Variants in SRGAP3 observed in about 807,000 individuals in gnomAD.
The protein encoded by SRGAP3 is SLIT-ROBO Rho GTPase activating protein 3, also known as SLIT-ROBO Rho GTPase-activating protein 3.
Under a neutral mutation model 121.1 loss-of-function variants are expected in SRGAP3, and 39 were observed. That is an observed-to-expected ratio of 0.32 (90% confidence interval 0.25 to 0.42). The LOEUF (loss-of-function observed/expected upper bound fraction) is 0.42. SRGAP3 is among the 10% of genes least tolerant of loss of function. The pLI, the probability that SRGAP3 is intolerant of heterozygous loss-of-function variation, is 1.00. For synonymous variants in SRGAP3, 601 were observed against 570.0 expected, an observed-to-expected ratio of 1.05 and a Z score of -0.77; for missense variants, 1,213 against 1,470.6, an observed-to-expected ratio of 0.82 and a Z score of 2.86.
At position 9,319,336 on chromosome 3, in the gene SRGAP3, T is replaced by C. The variant is rs184686971; in HGVS notation, n.442+6674A>G. On this transcript the variant is annotated intron_variant and non_coding_transcript_variant, in intron 3 of 3. Transcript: ENST00000490889. ...GGGAGGCCTGTCAGTGCAGAAGGTA[T>C]GACCCAGAATACTCATCAGGGGATG... Among the ~76,000 whole-genome samples, 312 of 152,010 alleles carry C rather than the reference T, an allele frequency of 2.1e-3. 1 individual carries two copies. Among genetic ancestry groups the C allele is most frequent in the African/African-American group, 7.2e-3 (298 of 41,570 alleles).
chr3:9,201,952 T>C (rs1289766647), intron 1 of SRGAP3, among the ~76,000 whole-genome samples: 1 of 152,154 alleles, frequency 6.6e-6, no homozygotes, highest in Non-Finnish European at 1.5e-5. Context: ...ATTTTACGAA[T>C]GGCAAGGATA....
At chr3:8,993,303 T>C (rs1942184734) in intron 19 of SRGAP3, among the ~76,000 whole-genome samples, 1 of 152,204 alleles carries the variant, frequency 6.6e-6, no homozygotes, top group African/African-American at 2.4e-5. Flanking sequence ...TTTTCTCTTC[T>C]AGCTTGTTCA....
At chr3:9,154,090 C>T (rs1950315234) in intron 1 of SRGAP3, among the ~76,000 whole-genome samples, 1 of 152,106 alleles carries the variant, frequency 6.6e-6, no homozygotes, top group South Asian at 2.1e-4. Context: ...GACCCAAGCT[C>T]TTGAGAAATC....
rs542135736 is a variant in SRGAP3, at chr3:9,281,667, T to TTTTG, written n.442+44339_442+44342dup. On this transcript the variant is annotated intron_variant and non_coding_transcript_variant, in intron 3 of 3. Transcript: ENST00000490889. ...AATACGCGCCCCAATTAGTAGATAC[T>TTTTG]TTTGTTTGTTTGTTTGTTTGTTTGA... Among the ~76,000 whole-genome samples the TTTTG allele has an allele frequency of 1.1e-3, 168 of 152,196 alleles. 1 individual carries two copies. The highest frequency in any genetic ancestry group is 5.0e-3 in the East Asian group (26 of 5,184).
intron 1 of SRGAP3, among the ~76,000 whole-genome samples, chr3:9,208,213 T>C (rs1012897573): frequency 4.1e-4 from 62 of 152,152 alleles, no homozygotes; most frequent in African/African-American, 1.4e-3. Context: ...GTTTTGACCA[T>C]ATCCTTTCTA....
At chr3:9,347,183 T>G (rs1397519926) in intron 1 of SRGAP3, among the ~76,000 whole-genome samples, 1 of 151,982 alleles carries the variant, frequency 6.6e-6, no homozygotes, top group African/African-American at 2.4e-5. Flanking sequence ...TCTTTGTTTT[T>G]GAGACAGGGT....
intron 18 of SRGAP3, among the ~76,000 whole-genome samples, chr3:9,001,017 T>C (rs2124980650): frequency 6.6e-6 from 1 of 152,262 alleles, no homozygotes; most frequent in South Asian, 2.1e-4. Flanking sequence ...TGGTAAACCT[T>C]AGAGAAACTG....
At chr3:9,315,634 T>A (rs771863148) in intron 3 of SRGAP3, among the ~76,000 whole-genome samples, 7 of 152,218 alleles carry the variant, frequency 4.6e-5, no homozygotes, top group Non-Finnish European at 1.0e-4. Flanking sequence ...TAGTCCTTGA[T>A]GGAAGAATGT....
At chr3:9,047,700 C>A (rs1622607) in intron 9 of SRGAP3, among the ~76,000 whole-genome samples, 54,253 of 152,086 alleles carry the variant, frequency 0.36, 9,770 homozygotes, top group Admixed American at 0.43. Flanking sequence ...GGCTCCAGGC[C>A]TTTCAGGTCG....
intron 3 of SRGAP3, among the ~76,000 whole-genome samples, chr3:9,303,507 T>C (rs113839317): frequency 0.078 from 11,938 of 152,180 alleles, 605 homozygotes; most frequent in Middle Eastern, 0.16. Flanking sequence ...GTATTAACTA[T>C]ATACTACACC....
chr3:9,231,219 A>G (rs1953197374), intron 1 of SRGAP3, among the ~76,000 whole-genome samples: 2 of 152,318 alleles, frequency 1.3e-5, no homozygotes, highest in African/African-American at 4.8e-5. Flanking sequence ...CACAGCTCTG[A>G]CAAACAATAG....
At chr3:9,085,026 C>T (rs192650590) in intron 3 of SRGAP3, among the ~76,000 whole-genome samples, 83 of 152,244 alleles carry the variant, frequency 5.5e-4, no homozygotes, top group African/African-American at 1.9e-3. Context: ...AAAATGAGCA[C>T]CTTGTTATGT....
At chr3:9,238,357 G>A (rs1953491396) in intron 1 of SRGAP3, among the ~76,000 whole-genome samples, 1 of 152,140 alleles carries the variant, frequency 6.6e-6, no homozygotes, top group Admixed American at 6.5e-5. Context: ...TTGCCTCAGG[G>A]ATAATGCAGA....
intron 3 of SRGAP3, among the ~76,000 whole-genome samples, chr3:9,324,739 C>T (rs1201869801): frequency 1.3e-5 from 2 of 151,704 alleles, no homozygotes; most frequent in Non-Finnish European, 2.9e-5. Context: ...GGGCAGATCA[C>T]GAGGTCAGGA....
intron 3 of SRGAP3, among the ~76,000 whole-genome samples, chr3:9,277,641 G>A (rs933646871): frequency 6.0e-5 from 9 of 150,056 alleles, no homozygotes; most frequent in Non-Finnish European, 1.0e-4. Flanking sequence ...TTAGCCAGGT[G>A]TGGTGGCACA....
rs1449465845 is a variant in SRGAP3, at chr3:8,981,858, T to A, written c.*3661A>T. The A allele has an allele frequency of 8.7e-6, 2 of 228,752 alleles. No individual in the cohort carries two copies. The highest frequency in any genetic ancestry group is 1.7e-5 in the Non-Finnish European group (2 of 115,188). The allele number at this position is 228,752 out of a possible 1,614,324, so 14.2% of individuals were successfully genotyped here. On this transcript the variant is annotated 3_prime_UTR_variant, in exon 22 of 22. Coordinates refer to ENST00000383836, the MANE Select transcript of SRGAP3 (RefSeq NM_014850.4). ...CTCTCCTGACCCCTGGCCTGGTGACTTCAGAGAAAAGACTCCAAAGTCTAA... is the reference window on the plus strand; with the variant it reads ...CTCTCCTGACCCCTGGCCTGGTGACATCAGAGAAAAGACTCCAAAGTCTAA...
chr3:9,055,324 C>T (rs373238117), intron 8 of SRGAP3, among the ~76,000 whole-genome samples: 2 of 152,222 alleles, frequency 1.3e-5, no homozygotes, highest in Non-Finnish European at 2.9e-5. Context: ...CCACCTCCCC[C>T]ATGACTGCAC....
chr3:9,183,488 T>C (rs1332375064), intron 1 of SRGAP3, among the ~76,000 whole-genome samples: 1 of 152,138 alleles, frequency 6.6e-6, no homozygotes, highest in Admixed American at 6.5e-5. Flanking sequence ...ATATCTATTA[T>C]ACAGATGTTT....
intron 18 of SRGAP3, among the ~76,000 whole-genome samples, chr3:9,000,474 G>T (rs560912491): frequency 1.2e-4 from 18 of 152,282 alleles, no homozygotes; most frequent in African/African-American, 4.3e-4. Flanking sequence ...TCCCATGGGG[G>T]AGAACCATCC....
Sources: gnomAD v4.1 joint callset for allele counts (sites outside exome capture counted in the v4.1 genomes callset) on GRCh38, gnomAD v4.1.1 for gene constraint, MANE v1.5 for transcripts, NCBI Gene and HGNC (gene_info 2026-07-23, HGNC 2026-07-21) for gene names.